The following KNDC1 variants were observed in gnomAD, a reference collection of about 807,000 sequenced individuals.
The protein encoded by KNDC1 is kinase non-catalytic C-lobe domain containing 1.
In KNDC1, 106 loss-of-function variants were observed where a neutral mutation model predicts 172.8. The ratio of observed to expected loss-of-function variants is 0.61; its 90% CI spans 0.52 to 0.72. The LOEUF (loss-of-function observed/expected upper bound fraction) is 0.72. Among genes scored for constraint, KNDC1 ranks in the 30% least tolerant of loss-of-function variants. The pLI is 0.00. For synonymous variants in KNDC1, 1,083 were observed against 1,062.2 expected, an observed-to-expected ratio of 1.02 and a Z score of -0.38; for missense variants, 2,325 against 2,394.5, an observed-to-expected ratio of 0.97 and a Z score of 0.61.
At chr10:133,161,776 G>A (rs1434716463) in intron 1 of KNDC1, among the ~76,000 whole-genome samples, 1 of 152,148 alleles carries the variant, frequency 6.6e-6, no homozygotes, top group Non-Finnish European at 1.5e-5. Context: ...AAACGCCCCA[G>A]GACACATCCC....
In KNDC1 at chr10:133,168,106, C is replaced by T. The variant is rs1591218964; in HGVS notation, c.302-148C>T. ...CATAACCGTTAAGGAGCTGATTTCC[C>T]TTTTTCATGGCCTAAAATGGTCTGG... On this transcript the variant is annotated intron_variant, in intron 2 of 29. Coordinates refer to ENST00000304613, the MANE Select transcript of KNDC1 (RefSeq NM_152643.8). 1.1e-5 allele frequency: 8 copies of T among 735,944 alleles called. No homozygotes were observed. In the South Asian group the frequency reaches 1.2e-4, roughly 11 times the overall value. 45.6% of individuals were successfully genotyped at this position (735,944 alleles called of 1,614,324 possible).
intron 1 of KNDC1, among the ~76,000 whole-genome samples, chr10:133,166,625 C>T (rs113035396): frequency 0.011 from 1,726 of 152,096 alleles, 38 homozygotes; most frequent in African/African-American, 0.039. Context: ...CACCAGCGTC[C>T]GAGTGTTACT....
chr10:133,211,657 C>A (rs1372713094), intron 22 of KNDC1, 22 bp from the exon 23 acceptor site: 3 of 1,590,658 alleles, frequency 1.9e-6, no homozygotes, highest in East Asian at 2.2e-5. Context: ...AGTGACCCCC[C>A]CACCACTGTG....
In KNDC1 at chr10:133,211,670, T is replaced by G; in HGVS notation, c.4057-9T>G. On this transcript the variant is annotated splice_polypyrimidine_tract_variant and intron_variant, in intron 22 of 29. Transcript: ENST00000304613. ...GCAGTGACCCCCCCACCACTGTGCT[T>G]CTGCCTAGATCCTACCCCTGGACGG... is the stretch of plus-strand genomic sequence containing the variant. 1.3e-6 allele frequency: 2 copies of G among 1,588,524 alleles called. No homozygotes were observed. The highest frequency in any genetic ancestry group is 1.7e-6 in the Non-Finnish European group (2 of 1,164,950).
chr10:133,191,314 G>T (rs1413204482), intron 9 of KNDC1, among the ~76,000 whole-genome samples: 2 of 151,914 alleles, frequency 1.3e-5, no homozygotes, highest in African/African-American at 4.8e-5. Context: ...GAGGTGGGAG[G>T]ATTGTTTGAA....
At chr10:133,160,591 G>A (rs1273029713) in intron 1 of KNDC1, 22 bp downstream of exon 1, 4 of 1,531,128 alleles carry the variant, frequency 2.6e-6, no homozygotes, top group Non-Finnish European at 3.5e-6. Context: ...GCCCCACTGG[G>A]GGGCCCCTTC....
chr10:133,198,334 C>T lies in KNDC1; in HGVS notation c.1907-3C>T. 4 of 1,568,538 alleles carry T rather than the reference C, an allele frequency of 2.6e-6. No individual in the cohort carries two copies. The highest frequency in any genetic ancestry group is 3.5e-6 in the Non-Finnish European group (4 of 1,158,266). On this transcript the variant is annotated splice_polypyrimidine_tract_variant and splice_region_variant and intron_variant, in intron 12 of 29. Coordinates refer to ENST00000304613, the MANE Select transcript of KNDC1 (RefSeq NM_152643.8). ...CCACACCCTCAGCCCCCTGGCTCCC[C>T]AGGCTTCCTGCCGGTGAACAGCGAC... is the stretch of plus-strand genomic sequence containing the variant.
chr10:133,177,400 T>G (rs1398282647), intron 3 of KNDC1, among the ~76,000 whole-genome samples: 1 of 151,912 alleles, frequency 6.6e-6, no homozygotes, highest in Non-Finnish European at 1.5e-5. Context: ...TGGTGTGTGG[T>G]GTGTTTCAAG....
Position 133,212,925 on chromosome 10 carries a change from G to A in KNDC1, c.4443+3G>A. The A allele has an allele frequency of 6.2e-7, 1 of 1,606,990 alleles. No individual in the cohort carries two copies. Among genetic ancestry groups the A allele is most frequent in the Non-Finnish European group, 8.5e-7 (1 of 1,175,058 alleles). ...GCCAGCTCACGCTGCTACAGCAGGT[G>A]AGGAGGGCGAGGATCTGCGCCCAGG... On this transcript the variant is annotated splice_donor_region_variant and intron_variant, in intron 24 of 29. Transcript: ENST00000304613.
chr10:133,224,919 GATCCGA>G lies in KNDC1; in HGVS notation c.*36_*41del, dbSNP rs1845690758. Reference sequence around the variant, plus strand: ...AGCTCGGGCCTGGTGTGGAATTCCAGATCCGAATCCGACTGTGGGGGGCGGGCTGGG... The same window carrying G: ...AGCTCGGGCCTGGTGTGGAATTCCAGATCCGACTGTGGGGGGCGGGCTGGG... On this transcript the variant is annotated 3_prime_UTR_variant, in exon 30 of 30. Coordinates refer to ENST00000304613, the MANE Select transcript of KNDC1 (RefSeq NM_152643.8). This position sits in a 1 kb window ranked among gnomAD's most constrained non-coding sequence, Gnocchi z 5.4. 1 of 1,571,022 alleles carries G rather than the reference GATCCGA, an allele frequency of 6.4e-7. No homozygotes were observed. The highest frequency in any genetic ancestry group is 8.7e-7 in the Non-Finnish European group (1 of 1,143,942).
rs753856723 is a variant in KNDC1 at position 133,224,879 on chromosome 10, A to G, written c.5239A>G (p.Thr1747Ala). Residue 1747 changes from threonine (T) to alanine (A), a missense_variant, in exon 30 of 30, where the codon ACA (threonine) becomes GCA (alanine). By Grantham distance (58) the Thr-to-Ala change is moderately conservative (BLOSUM62 0). Coordinates refer to ENST00000304613, the MANE Select transcript of KNDC1 (RefSeq NM_152643.8). This position sits in a 1 kb window ranked among gnomAD's most constrained non-coding sequence, Gnocchi z 5.4. ...GGACAAGCTACGGAGGATGAAGGCTACATTCCAGTAGCCGAGCTCGGGCCT... is the reference window on the plus strand; with the variant it reads ...GGACAAGCTACGGAGGATGAAGGCTGCATTCCAGTAGCCGAGCTCGGGCCT... Reference protein sequence around the residue: ...IQDKLRRMKATFQ With the variant: ...IQDKLRRMKAAFQ 226 of 1,612,484 alleles carry G rather than the reference A, an allele frequency of 1.4e-4. No homozygotes were observed. The highest frequency in any genetic ancestry group is 1.9e-4 in the Non-Finnish European group (222 of 1,179,050).
Position 133,186,553 on chromosome 10 carries a change from G to C in KNDC1, c.1205G>C (p.Ser402Thr), listed in dbSNP as rs1255305599. ...GGACAGCCCGAGACTTCACACCCCA[G>C]CCAGGGGCCAGCAGAGGCCCCTGCA... ...SPGQPETSHP[S>T]QGPAEAPADP... Residue 402 changes from serine (S) to threonine (T), a missense_variant, in exon 6 of 30, where the codon AGC becomes ACC. Coordinates refer to ENST00000304613, the MANE Select transcript of KNDC1 (RefSeq NM_152643.8). 1 of 1,610,670 alleles carries C rather than the reference G, an allele frequency of 6.2e-7. No homozygotes were observed. The highest frequency in any genetic ancestry group is 8.5e-7 in the Non-Finnish European group (1 of 1,179,888).
In KNDC1 at chr10:133,214,111, C is replaced by A. The variant is rs964327985; in HGVS notation, c.4666C>A (p.His1556Asn). ...TWVAAEIVTS[H>N]TSKLQVNLLS... is the part of the protein sequence containing the mutation. ...GGTGGCTGCAGAGATTGTGACCAGC[C>A]ACACCTCCAAGGTGGGCACCCTACA... Residue 1556 changes from histidine (H) to asparagine (N), a missense_variant, in exon 26 of 30, where the codon CAC becomes AAC. Coordinates refer to ENST00000304613, the MANE Select transcript of KNDC1 (RefSeq NM_152643.8). 3 of 1,613,962 alleles carry A rather than the reference C, an allele frequency of 1.9e-6. No individual in the cohort carries two copies. In the African/African-American group the frequency reaches 4.0e-5, roughly 22 times the overall value.
chr10:133,219,115 C>A, intron 28 of KNDC1, 25 bp downstream of exon 28: 2 of 1,608,242 alleles, frequency 1.2e-6, no homozygotes, highest in Non-Finnish European at 1.7e-6. Flanking sequence ...CGTGGCCGGG[C>A]GGCTTTGGTC....
Position 133,224,285 on chromosome 10 carries a change from T to C in KNDC1, c.5019-374T>C, listed in dbSNP as rs1001898782. 2.8e-4 allele frequency among the ~76,000 whole-genome samples: 42 copies of C among 152,158 alleles called. No homozygotes were observed. Among genetic ancestry groups the C allele is most frequent in the African/African-American group, 8.9e-4 (37 of 41,446 alleles). On this transcript the variant is annotated intron_variant, in intron 29 of 29. Transcript: ENST00000304613. The surrounding 1 kb of genome is among the most constrained non-coding windows in gnomAD (Gnocchi z 5.4). ...CGGCCCTGGGCCCCGGCCGTGGCGA[T>C]TCCCAGGTGTGAATGTGAACGCTCT...
intron 11 of KNDC1, 111 bp from the exon 12 acceptor site, chr10:133,197,564 C>G (rs1854229383): frequency 1.2e-6 from 1 of 834,334 alleles, no homozygotes; most frequent in African/African-American, 1.7e-5. Flanking sequence ...CGGCTCCTCC[C>G]CAGCAGGAAG....
chr10:133,196,984 G>A, intron 10 of KNDC1, 74 bp from the exon 11 acceptor site: 2 of 1,211,864 alleles, frequency 1.7e-6, no homozygotes, highest in Non-Finnish European at 2.4e-6. Context: ...TTTCAGATGG[G>A]GACCCAGTGA....
At chr10:133,212,130 G>A (rs1018992273) in intron 23 of KNDC1, among the ~76,000 whole-genome samples, 4 of 148,798 alleles carry the variant, frequency 2.7e-5, no homozygotes, top group African/African-American at 1.0e-4. Flanking sequence ...ACGTGCACAC[G>A]CACGTGCACC....
chr10:133,222,289 A>C (rs568725728), intron 29 of KNDC1, among the ~76,000 whole-genome samples: 9 of 151,920 alleles, frequency 5.9e-5, no homozygotes, highest in Non-Finnish European at 7.4e-5. Context: ...TCTCAAAAAA[A>C]AAAAAAAACT....
Sources: gnomAD v4.1 joint callset for allele counts (sites outside exome capture counted in the v4.1 genomes callset) on GRCh38, gnomAD v4.1.1 for gene constraint, Gnocchi (gnomAD v3.1) non-coding constraint, MANE v1.5 for transcripts, NCBI Gene and HGNC (gene_info 2026-07-23, HGNC 2026-07-21) for gene names.